Variants in JMJD1C observed in about 807,000 individuals in gnomAD.
JMJD1C encodes the protein jumonji domain containing 1C.
In JMJD1C, 31 loss-of-function variants were observed where a neutral mutation model predicts 245.3. The ratio of observed to expected loss-of-function variants is 0.13; its 90% CI spans 0.09 to 0.17. The LOEUF (loss-of-function observed/expected upper bound fraction) is 0.17. JMJD1C is among the 10% of genes least tolerant of loss of function. The pLI, the probability that JMJD1C is intolerant of heterozygous loss-of-function variation, is 1.00. For synonymous variants in JMJD1C, 1,057 were observed against 1,017.4 expected (o/e 1.04, Z -0.74); for missense variants, 2,691 against 3,000.2 (o/e 0.90, Z 2.41).
chr10:63,357,274 C>A (rs1330719617), intron 2 of JMJD1C, among the ~76,000 whole-genome samples: 6 of 151,790 alleles, frequency 4.0e-5, no homozygotes, highest in Non-Finnish European at 8.8e-5. Flanking sequence ...ACCTCATGGT[C>A]ACACAAATAT....
chr10:63,178,261 G>A (rs1306890645), intron 22 of JMJD1C, among the ~76,000 whole-genome samples: 10 of 152,078 alleles, frequency 6.6e-5, no homozygotes, highest in Admixed American at 6.5e-4. Flanking sequence ...TCTTAAAAAA[G>A]AGTCAAACAC....
At chr10:63,249,627 A>G (rs1443515804) in intron 3 of JMJD1C, among the ~76,000 whole-genome samples, 1 of 152,134 alleles carries the variant, frequency 6.6e-6, no homozygotes, top group Admixed American at 6.5e-5. Context: ...TTGGGAGGCC[A>G]AGGCAGGCAG....
intron 2 of JMJD1C, among the ~76,000 whole-genome samples, chr10:63,343,258 C>T (rs1825575494): frequency 6.6e-6 from 1 of 151,426 alleles, no homozygotes; most frequent in Admixed American, 6.6e-5. Context: ...CCCAGCTCCT[C>T]GGGAGGCTGA....
At chr10:63,348,474 T>C (rs1236613369) in intron 2 of JMJD1C, among the ~76,000 whole-genome samples, 1 of 152,212 alleles carries the variant, frequency 6.6e-6, no homozygotes, top group East Asian at 1.9e-4. Context: ...TATAATGACA[T>C]TGGGTCAGGA....
At chr10:63,334,849 A>C (rs145160891) in intron 2 of JMJD1C, among the ~76,000 whole-genome samples, 1 of 152,038 alleles carries the variant, frequency 6.6e-6, no homozygotes, top group African/African-American at 2.4e-5. Context: ...GTGGGACTAC[A>C]GGTGCGCATC....
In JMJD1C at chr10:63,194,378, G is replaced by A. The variant is rs1392568116; in HGVS notation, c.5645-3C>T. ...CATCCAAGCATATAGTTCTTTATCT[G>A]TAAGATAATAAAACTTGTATATCAC... On this transcript the variant is annotated splice_polypyrimidine_tract_variant and splice_region_variant and intron_variant, in intron 13 of 25. Coordinates refer to ENST00000399262, the MANE Select transcript of JMJD1C (RefSeq NM_032776.3). 5 of 1,577,396 alleles carry A rather than the reference G, an allele frequency of 3.2e-6. No homozygotes were observed. The African/African-American group carries it at 6.7e-5, about 21-fold the overall frequency.
intron 19 of JMJD1C, among the ~76,000 whole-genome samples, chr10:63,185,986 A>C (rs1276619438): frequency 6.6e-6 from 1 of 152,244 alleles, no homozygotes; most frequent in Non-Finnish European, 1.5e-5. Flanking sequence ...TGGAACTGCC[A>C]AACATTTCTC....
chr10:63,184,970 T>G (rs1199212346), intron 20 of JMJD1C, among the ~76,000 whole-genome samples: 1 of 152,086 alleles, frequency 6.6e-6, no homozygotes, highest in Non-Finnish European at 1.5e-5. Flanking sequence ...TGTGTTCTCT[T>G]TTTTTGAGAC....
chr10:63,366,355 A>G (rs1228063144), intron 2 of JMJD1C, among the ~76,000 whole-genome samples: 1 of 152,206 alleles, frequency 6.6e-6, no homozygotes, highest in East Asian at 1.9e-4. Flanking sequence ...CAGAAACTCT[A>G]CATTTGGACT....
At chr10:63,419,631 C>T (rs990728607) in intron 1 of JMJD1C, among the ~76,000 whole-genome samples, 5 of 151,882 alleles carry the variant, frequency 3.3e-5, no homozygotes, top group African/African-American at 9.7e-5. Flanking sequence ...GGTAAAGACC[C>T]TGATTGAGTT....
chr10:63,221,782 C>T (rs1338378582), intron 3 of JMJD1C, among the ~76,000 whole-genome samples: 1 of 152,218 alleles, frequency 6.6e-6, no homozygotes, highest in Non-Finnish European at 1.5e-5. Flanking sequence ...AGTGCAATGG[C>T]ACGATCTCGG....
intron 2 of JMJD1C, among the ~76,000 whole-genome samples, chr10:63,265,726 G>C (rs1589333107): frequency 6.6e-6 from 1 of 152,208 alleles, no homozygotes; most frequent in East Asian, 1.9e-4. Flanking sequence ...TCGGAAAACA[G>C]AATTAATAAT....
chr10:63,478,130 T>C (rs759569440), intron 1 of JMJD1C, among the ~76,000 whole-genome samples: 16 of 151,618 alleles, frequency 1.1e-4, no homozygotes, highest in Non-Finnish European at 2.1e-4. Flanking sequence ...GTTAAACGTA[T>C]ACTTTTCATA....
intron 2 of JMJD1C, among the ~76,000 whole-genome samples, chr10:63,375,607 A>G (rs1437046242): frequency 6.6e-6 from 1 of 151,094 alleles, no homozygotes. Context: ...CTTGAGTGCA[A>G]TGACACAATC....
intron 3 of JMJD1C, among the ~76,000 whole-genome samples, chr10:63,224,247 A>T (rs952642171): frequency 6.6e-6 from 1 of 152,204 alleles, no homozygotes; most frequent in Admixed American, 6.5e-5. Flanking sequence ...CTCATCTATA[A>T]AGCAGAGTTA....
In JMJD1C at chr10:63,209,319, T is replaced by C. The variant is rs1395408619; in HGVS notation, c.2695-84A>G. Reference sequence around the variant, plus strand: ...CACCGTGTCACAGTAGAACTGGGTATGATCTTGGTGGTTTATTAGTTCATT... The same window carrying C: ...CACCGTGTCACAGTAGAACTGGGTACGATCTTGGTGGTTTATTAGTTCATT... On this transcript the variant is annotated intron_variant, in intron 8 of 25. Coordinates refer to ENST00000399262, the MANE Select transcript of JMJD1C (RefSeq NM_032776.3). 12 of 1,136,026 alleles carry C rather than the reference T, an allele frequency of 1.1e-5. No individual in the cohort carries two copies. In the African/African-American group the frequency reaches 1.1e-4, roughly 11 times the overall value. The allele number at this position is 1,136,026 out of a possible 1,614,324, so 70.4% of individuals were successfully genotyped here.
intron 1 of JMJD1C, among the ~76,000 whole-genome samples, chr10:63,423,563 G>A (rs1950255887): frequency 6.6e-6 from 1 of 152,132 alleles, no homozygotes; most frequent in Non-Finnish European, 1.5e-5. Flanking sequence ...TCTGTTGCTG[G>A]ACATTTGGGT....
intron 2 of JMJD1C, among the ~76,000 whole-genome samples, chr10:63,333,339 G>A (rs542752548): frequency 6.6e-6 from 1 of 152,072 alleles, no homozygotes; most frequent in Admixed American, 6.6e-5. Flanking sequence ...AGGAGCCCTT[G>A]AACTTAGGAG....
chr10:63,174,439 G>T (rs773337873), intron 24 of JMJD1C, among the ~76,000 whole-genome samples: 2 of 152,182 alleles, frequency 1.3e-5, no homozygotes, highest in Non-Finnish European at 2.9e-5. Flanking sequence ...GGTACATACT[G>T]TGTGAGTCCA....
Sources: allele counts gnomAD v4.1 joint callset (sites outside exome capture counted in the v4.1 genomes callset), GRCh38; gene constraint gnomAD v4.1.1; transcripts MANE v1.5; gene names NCBI Gene and HGNC (gene_info 2026-07-23, HGNC 2026-07-21).